The following ACAD11 variants were observed in gnomAD, a reference collection of about 807,000 sequenced individuals.
The protein encoded by ACAD11 is acyl-CoA dehydrogenase family member 11.
Under a neutral mutation model 102.2 loss-of-function variants are expected in ACAD11, and 83 were observed. The ratio of observed to expected loss-of-function variants is 0.81; its 90% CI spans 0.68 to 0.97. The LOEUF is 0.97. Ranked by LOEUF, ACAD11 falls within the 50% of genes least tolerant of loss-of-function variation. The pLI, the probability that ACAD11 is intolerant of heterozygous loss-of-function variation, is 0.00. For synonymous variants in ACAD11, 324 were observed against 319.8 expected (o/e 1.01, Z -0.14); for missense variants, 901 against 951.7 (o/e 0.95, Z 0.70).
In ACAD11 at chr3:132,577,889, C is replaced by G. The variant is rs1937545822; in HGVS notation, c.1775-874G>C. On this transcript the variant is annotated intron_variant, in intron 15 of 19. Coordinates refer to ENST00000264990, the MANE Select transcript of ACAD11 (RefSeq NM_032169.5). ...TATCTTTGCGGCCGTTTCGCTGCAA[C>G]CCAACAATTTCCTACATGCAATTTT... 2.0e-5 allele frequency among the ~76,000 whole-genome samples: 3 copies of G among 152,170 alleles called. No homozygotes were observed. In the South Asian group the frequency reaches 6.2e-4, roughly 32 times the overall value.
chr3:132,618,568 T>C, intron 11 of ACAD11, 66 bp downstream of exon 11: 3 of 1,340,536 alleles, frequency 2.2e-6, no homozygotes, highest in Non-Finnish European at 2.0e-6. Flanking sequence ...ATTCTTATCA[T>C]ATATAGAAAT....
rs757215751 is a variant in ACAD11, at chr3:132,559,062, C to T, written c.2252G>A (p.Arg751His). The T allele has an allele frequency of 4.3e-5, 70 of 1,613,366 alleles. 1 individual carries two copies. Among genetic ancestry groups the T allele is most frequent in the Non-Finnish European group, 4.7e-5 (56 of 1,179,648 alleles). Reference protein sequence around the residue: ...ANMYAITRVLRLADGPDEVHL... With the variant: ...ANMYAITRVLHLADGPDEVHL... ...AACTTCGTCAGGTCCATCTGCTAAA[C>T]GCAAAACTCGGGTTATAGCATACCT... The change falls in exon 20 of 20, where the codon CGT becomes CAT. Residue 751 changes from arginine (R) to histidine (H), a missense_variant. Physicochemically the swap from Arg to His is conservative, Grantham distance 29. Transcript: ENST00000264990.
At chr3:132,600,736 A>G (rs1356311776) in intron 13 of ACAD11, 2 of 1,613,970 alleles carry the variant, frequency 1.2e-6, no homozygotes, top group South Asian at 2.2e-5. Flanking sequence ...TAATGTGCAA[A>G]ATAACTTCAG....
At chr3:132,579,006 T>C in intron 14 of ACAD11, 125 bp from the exon 15 acceptor site, 1 of 1,530,302 alleles carries the variant, frequency 6.5e-7, no homozygotes, top group Non-Finnish European at 8.8e-7. Context: ...ATGACTGGAA[T>C]GGGAACTGTG....
At chr3:132,612,448 A>G (rs1365811392) in intron 11 of ACAD11, among the ~76,000 whole-genome samples, 1 of 151,946 alleles carries the variant, frequency 6.6e-6, no homozygotes, top group Non-Finnish European at 1.5e-5. Context: ...AACCTACAGA[A>G]TGGGAGAAAA....
rs973385178 is a variant in ACAD11, at chr3:132,570,679, A to C, written c.2001+5093T>G. Among the ~76,000 whole-genome samples the C allele has an allele frequency of 2.0e-5, 3 of 152,060 alleles. No homozygotes were observed. The East Asian group carries it at 5.8e-4, about 29-fold the overall frequency. On this transcript the variant is annotated intron_variant, in intron 17 of 19. Coordinates refer to ENST00000264990, the MANE Select transcript of ACAD11 (RefSeq NM_032169.5). ...CTCCTCCCACCTTCCACCCTCTGGT[A>C]GGCTACCATGTCTGTTATTTCCCTT...
intron 5 of ACAD11, among the ~76,000 whole-genome samples, chr3:132,635,077 AAAAAT>A (rs1369451903): frequency 6.6e-6 from 1 of 150,928 alleles, no homozygotes; most frequent in African/African-American, 2.4e-5. Flanking sequence ...TATATAAAAT[AAAAAT>A]AATAAAAAAA....
At chr3:132,636,194 G>A (rs987094568) in intron 5 of ACAD11, among the ~76,000 whole-genome samples, 9 of 152,096 alleles carry the variant, frequency 5.9e-5, no homozygotes, top group African/African-American at 1.9e-4. Flanking sequence ...TTAGAGTCCT[G>A]TTGATGCCTG....
chr3:132,596,816 G>A (rs1938330431), intron 13 of ACAD11, among the ~76,000 whole-genome samples: 1 of 152,180 alleles, frequency 6.6e-6, no homozygotes, highest in African/African-American at 2.4e-5. Context: ...GCATAAAAAT[G>A]TTAAATTCTA....
chr3:132,619,401 A>T, intron 10 of ACAD11, 67 bp downstream of exon 10: 1 of 1,081,920 alleles, frequency 9.2e-7, no homozygotes, highest in Non-Finnish European at 1.3e-6. Flanking sequence ...TAGCAACAAC[A>T]AAACTAAGGT....
At chr3:132,615,525 A>G (rs1939369863) in intron 11 of ACAD11, among the ~76,000 whole-genome samples, 1 of 152,216 alleles carries the variant, frequency 6.6e-6, no homozygotes, top group Non-Finnish European at 1.5e-5. Context: ...TGTTCTTTGC[A>G]GGGACATGGA....
At chr3:132,569,527 A>G (rs1343106299) in intron 17 of ACAD11, among the ~76,000 whole-genome samples, 3 of 152,236 alleles carry the variant, frequency 2.0e-5, no homozygotes, top group South Asian at 2.1e-4. Flanking sequence ...AAATGTTTAC[A>G]GCAATTTTAT....
At chr3:132,612,618 T>C (rs1939206749) in intron 11 of ACAD11, among the ~76,000 whole-genome samples, 1 of 151,966 alleles carries the variant, frequency 6.6e-6, no homozygotes. Context: ...AAAAAACACA[T>C]GAAAAAGCAC....
chr3:132,584,677 T>C (rs1393342963), intron 13 of ACAD11, among the ~76,000 whole-genome samples: 1 of 152,220 alleles, frequency 6.6e-6, no homozygotes, highest in Non-Finnish European at 1.5e-5. Flanking sequence ...CAGTTTGGCA[T>C]GTTTTTGCAG....
At chr3:132,654,355 A>G (rs1332770478) in intron 1 of ACAD11, 1 of 152,210 alleles carries the variant, frequency 6.6e-6, no homozygotes, top group Non-Finnish European at 1.5e-5. Context: ...ATGATCATAA[A>G]TGTCTCATAA....
intron 13 of ACAD11, among the ~76,000 whole-genome samples, chr3:132,585,682 A>T (rs1323346089): frequency 6.6e-6 from 1 of 152,248 alleles, no homozygotes; most frequent in African/African-American, 2.4e-5. Context: ...TGGGCAAAGG[A>T]TATGAATAGA....
At chr3:132,583,267 G>A (rs573926404) in intron 13 of ACAD11, among the ~76,000 whole-genome samples, 173 of 152,166 alleles carry the variant, frequency 1.1e-3, no homozygotes, top group African/African-American at 3.7e-3. Flanking sequence ...CTTCTTCCTC[G>A]TTTAGTCTTG....
chr3:132,588,192 G>GGTATGTAT (rs3045373), intron 13 of ACAD11, among the ~76,000 whole-genome samples: 7,549 of 150,770 alleles, frequency 0.05, 556 homozygotes, highest in African/African-American at 0.16. Flanking sequence ...CAGGCAGGCA[G>GGTATGTAT]GTATGTATGT....
rs189762601 is a variant in ACAD11, at chr3:132,645,172, T to C, written c.150-276A>G. On this transcript the variant is annotated intron_variant, in intron 1 of 19. Transcript: ENST00000264990. ...TCCTAAGTTTTATCAGGAGTACCTGTAGAACAATGACTGATCTAAGTAAAC... is the reference window on the plus strand; with the variant it reads ...TCCTAAGTTTTATCAGGAGTACCTGCAGAACAATGACTGATCTAAGTAAAC... Among the ~76,000 whole-genome samples, 424 of 152,310 alleles carry C rather than the reference T, an allele frequency of 2.8e-3. 1 individual carries two copies. Among genetic ancestry groups the C allele is most frequent in the African/African-American group, 9.8e-3 (409 of 41,578 alleles).
Sources: gnomAD v4.1 joint callset for allele counts (sites outside exome capture counted in the v4.1 genomes callset) on GRCh38, gnomAD v4.1.1 for gene constraint, MANE v1.5 for transcripts, NCBI Gene and HGNC (gene_info 2026-07-23, HGNC 2026-07-21) for gene names.